Variants in LARGE1 observed in about 807,000 individuals in gnomAD.
LARGE1 encodes the protein LARGE xylosyl- and glucuronyltransferase 1.
Under a neutral mutation model 87.6 loss-of-function variants are expected in LARGE1, and 43 were observed. The ratio of observed to expected loss-of-function variants is 0.49; its 90% CI spans 0.38 to 0.63. LARGE1 has a LOEUF of 0.63. Ranked by LOEUF, LARGE1 falls within the 30% of genes least tolerant of loss-of-function variation. The pLI is 0.00. For synonymous variants in LARGE1, 434 were observed against 394.6 expected, an observed-to-expected ratio of 1.10 and a Z score of -1.18; for missense variants, 802 against 1,000.2, an observed-to-expected ratio of 0.80 and a Z score of 2.67.
At chr22:33,158,485 ATATAT>A (rs1429400995), downstream of LARGE1, among the ~76,000 whole-genome samples, 1 of 152,184 alleles carries the variant, frequency 6.6e-6, no homozygotes, top group Non-Finnish European at 1.5e-5. Flanking sequence ...AGAACAATTG[ATATAT>A]TATAACATCT....
intron 1 of LARGE1, among the ~76,000 whole-genome samples, chr22:33,780,286 T>A (rs2085377696): frequency 6.6e-6 from 1 of 152,204 alleles, no homozygotes; most frequent in Admixed American, 6.5e-5. Flanking sequence ...GGCTTGGAAC[T>A]TCAACATATG....
At chr22:33,423,882 C>G (rs2066782200) in intron 7 of LARGE1, among the ~76,000 whole-genome samples, 1 of 151,900 alleles carries the variant, frequency 6.6e-6, no homozygotes, top group Non-Finnish European at 1.5e-5. Context: ...AAAGAATGGT[C>G]CAAAGAAGAT....
chr22:33,213,226 A>G (rs1012773516), intron 11 of LARGE1, among the ~76,000 whole-genome samples: 1 of 152,192 alleles, frequency 6.6e-6, no homozygotes, highest in Non-Finnish European at 1.5e-5. Flanking sequence ...GCAGCCTCAT[A>G]ATAAAGCTTG....
At chr22:33,620,445 C>T (rs936562600) in intron 4 of LARGE1, among the ~76,000 whole-genome samples, 11 of 152,140 alleles carry the variant, frequency 7.2e-5, no homozygotes, top group Admixed American at 5.2e-4. Context: ...GGCATTCCCC[C>T]CAATTTTCCT....
At chr22:33,184,896 C>T (rs1923392353) in intron 11 of LARGE1, among the ~76,000 whole-genome samples, 1 of 152,086 alleles carries the variant, frequency 6.6e-6, no homozygotes, top group Non-Finnish European at 1.5e-5. Flanking sequence ...AAATCGAAAA[C>T]ATTAACCATA....
downstream of LARGE1, among the ~76,000 whole-genome samples, chr22:33,159,587 T>A (rs1179464214): frequency 1.3e-5 from 2 of 151,382 alleles, no homozygotes; most frequent in Admixed American, 6.6e-5. Flanking sequence ...ATTTAAATTT[T>A]TTTTTTTTTT....
At chr22:33,502,893 CTGCTA>C (rs757588203) in intron 6 of LARGE1, among the ~76,000 whole-genome samples, 33 of 146,618 alleles carry the variant, frequency 2.3e-4, no homozygotes, top group East Asian at 5.0e-4. Flanking sequence ...GAAAGAGTCC[CTGCTA>C]TGCTCTAGGC....
Position 33,879,539 on chromosome 22 carries a change from T to G in LARGE1, c.-83+40456A>C, listed in dbSNP as rs529647671. Among the ~76,000 whole-genome samples, 12 of 152,332 alleles carry G rather than the reference T, an allele frequency of 7.9e-5. No individual in the cohort carries two copies. In the South Asian group the frequency reaches 2.3e-3, roughly 29 times the overall value. ...CCACTTAACAACTGCAAATCCACCCTTCATTTTAGGCCTCCCTGTCTTTGC... is the reference window on the plus strand; with the variant it reads ...CCACTTAACAACTGCAAATCCACCCGTCATTTTAGGCCTCCCTGTCTTTGC... On this transcript the variant is annotated intron_variant, in intron 1 of 14. Coordinates refer to ENST00000397394, the MANE Select transcript of LARGE1 (RefSeq NM_133642.5).
intron 1 of LARGE1, among the ~76,000 whole-genome samples, chr22:33,871,763 G>A (rs2064290592): frequency 6.6e-6 from 1 of 151,622 alleles, no homozygotes; most frequent in South Asian, 2.1e-4. Context: ...TTTTTTCACT[G>A]CATGAACCAC....
intron 1 of LARGE1, among the ~76,000 whole-genome samples, chr22:33,831,922 AT>A (rs1348320179): frequency 2.0e-5 from 3 of 152,326 alleles, no homozygotes; most frequent in Non-Finnish European, 4.4e-5. Context: ...GCTTCTGGAC[AT>A]GGGTAGTAAC....
intron 10 of LARGE1, among the ~76,000 whole-genome samples, chr22:33,318,978 G>C (rs16992122): frequency 6.6e-6 from 1 of 152,176 alleles, no homozygotes; most frequent in East Asian, 1.9e-4. Context: ...TGCTTCTGTA[G>C]AGCTTTGTAC....
chr22:33,258,893 T>C (rs77225625), intron 11 of LARGE1, among the ~76,000 whole-genome samples: 7 of 141,296 alleles, frequency 5.0e-5, no homozygotes, highest in African/African-American at 8.0e-5. Context: ...TTTTTTTTTT[T>C]CCAAGACATA....
the LARGE1 span, among the ~76,000 whole-genome samples, chr22:33,098,642 TA>T: frequency 1.1e-4 from 16 of 152,154 alleles, 1 homozygote; most frequent in East Asian, 2.5e-3. Flanking sequence ...TAAATAAAAA[TA>T]AAAAATATAG....
intron 2 of LARGE1, among the ~76,000 whole-genome samples, chr22:33,719,772 G>A (rs973346017): frequency 6.6e-5 from 10 of 151,990 alleles, no homozygotes; most frequent in African/African-American, 2.4e-4. Flanking sequence ...TGCCCGCCTT[G>A]GCCTCCCAAA....
intron 6 of LARGE1, among the ~76,000 whole-genome samples, chr22:33,467,571 G>A (rs2068666782): frequency 6.6e-6 from 1 of 152,202 alleles, no homozygotes; most frequent in South Asian, 2.1e-4. Flanking sequence ...GCAGAGGGCT[G>A]AGTCTTCCAT....
At chr22:33,296,048 T>A (rs1014821701) in intron 12 of LARGE1, among the ~76,000 whole-genome samples, 7 of 152,262 alleles carry the variant, frequency 4.6e-5, no homozygotes, top group Non-Finnish European at 1.0e-4. Context: ...TGCTAGAGAC[T>A]CTGTCTCCAC....
At chr22:33,642,284 G>T (rs1374184872) in intron 3 of LARGE1, among the ~76,000 whole-genome samples, 1 of 152,118 alleles carries the variant, frequency 6.6e-6, no homozygotes, top group Non-Finnish European at 1.5e-5. Context: ...GCCAAACTGT[G>T]TTTCATAAGC....
At chr22:33,518,302 GC>G (rs2071405985) in intron 6 of LARGE1, among the ~76,000 whole-genome samples, 2 of 152,188 alleles carry the variant, frequency 1.3e-5, no homozygotes, top group South Asian at 2.1e-4. Context: ...AAGGTCACAC[GC>G]CAGCAAATGG....
At chr22:33,142,529 G>A in the LARGE1 span, among the ~76,000 whole-genome samples, 5 of 152,082 alleles carry the variant, frequency 3.3e-5, no homozygotes, top group Admixed American at 6.6e-5. Flanking sequence ...AACCTCTGCT[G>A]CCAGTCCTCT....
Sources: allele counts gnomAD v4.1 joint callset (sites outside exome capture counted in the v4.1 genomes callset), GRCh38; gene constraint gnomAD v4.1.1; transcripts MANE v1.5; gene names NCBI Gene and HGNC (gene_info 2026-07-23, HGNC 2026-07-21).